Variants in SARAF observed in about 807,000 individuals in gnomAD.
The protein encoded by SARAF is store-operated calcium entry-associated regulatory factor.
In SARAF, 23 loss-of-function variants were observed where a neutral mutation model predicts 39.7. The observed-to-expected ratio is 0.58, with a 90% CI of 0.42 to 0.82. SARAF has a LOEUF of 0.82. Ranked by LOEUF, SARAF falls within the 40% of genes least tolerant of loss-of-function variation. SARAF has a pLI of 0.00. For missense variants in SARAF, 384 were observed against 418.5 expected, an observed-to-expected ratio of 0.92 and a Z score of 0.72; for synonymous variants, 175 against 168.5, an observed-to-expected ratio of 1.04 and a Z score of -0.30.
intron 2 of SARAF, among the ~76,000 whole-genome samples, chr8:30,072,054 A>G (rs564414854): frequency 1.2e-4 from 18 of 152,318 alleles, no homozygotes; most frequent in African/African-American, 4.1e-4. Flanking sequence ...CAGCTGGACC[A>G]TTTCACATTC....
intron 2 of SARAF, among the ~76,000 whole-genome samples, chr8:30,070,408 G>GA (rs796469752): frequency 1.1e-3 from 151 of 143,096 alleles, no homozygotes; most frequent in African/African-American, 2.9e-3. Context: ...TCCGTCTCAA[G>GA]AAAAAAAAAA....
chr8:30,075,842 G>C (rs910966209), intron 1 of SARAF, among the ~76,000 whole-genome samples: 2 of 151,884 alleles, frequency 1.3e-5, no homozygotes, highest in Non-Finnish European at 2.9e-5. Flanking sequence ...CAGGTAAAAC[G>C]AAAGAGGAGA....
chr8:30,067,433 T>C (rs2117422520), intron 3 of SARAF, among the ~76,000 whole-genome samples: 1 of 152,300 alleles, frequency 6.6e-6, no homozygotes, highest in African/African-American at 2.4e-5. Flanking sequence ...TGTGCTAATC[T>C]TACACGTGTG....
At chr8:30,064,695 T>C (rs1801643579) in intron 5 of SARAF, among the ~76,000 whole-genome samples, 1 of 151,122 alleles carries the variant, frequency 6.6e-6, no homozygotes, top group Non-Finnish European at 1.5e-5. Context: ...CCCAAATAGC[T>C]GGGATTACAG....
chr8:30,064,553 A>ATTTTTTTTTTTTTTT (rs1213352789), intron 5 of SARAF, among the ~76,000 whole-genome samples: 1 of 47,668 alleles, frequency 2.1e-5, no homozygotes, highest in African/African-American at 1.0e-4. Flanking sequence ...ATATATATAT[A>ATTTTTTTTTTTTTTT]TATATATATT....
chr8:30,064,438 A>G (rs1441252686), intron 5 of SARAF, among the ~76,000 whole-genome samples: 3 of 150,898 alleles, frequency 2.0e-5, no homozygotes, highest in African/African-American at 4.9e-5. Context: ...TTTCTTTCAT[A>G]TAATTCCCAT....
rs754872735 is a variant in SARAF at position 30,066,182 on chromosome 8, C to T, written c.843-43G>A. 16 of 1,553,608 alleles carry T rather than the reference C, an allele frequency of 1.0e-5. 1 individual carries two copies. The South Asian group carries it at 1.8e-4, about 17-fold the overall frequency. ...TAGGTTAGGCATTTTTTTCTTGTGG[C>T]TATAATTTTTAAATACCTTCCTGTT... On this transcript the variant is annotated intron_variant, in intron 4 of 5. Coordinates refer to ENST00000256255, the MANE Select transcript of SARAF (RefSeq NM_016127.6).
chr8:30,064,110 C>T (rs1801617422), intron 5 of SARAF, among the ~76,000 whole-genome samples, 197 bp from the exon 6 acceptor site: 1 of 152,148 alleles, frequency 6.6e-6, no homozygotes, highest in South Asian at 2.1e-4. Flanking sequence ...ATCAAGCCTA[C>T]TACACTCACA....
intron 1 of SARAF, among the ~76,000 whole-genome samples, chr8:30,075,924 T>C (rs1307802148): frequency 8.3e-6 from 1 of 120,996 alleles, no homozygotes; most frequent in Non-Finnish European, 1.6e-5. Context: ...GAAAGACAAA[T>C]GCCAGAACAG....
intron 2 of SARAF, among the ~76,000 whole-genome samples, chr8:30,071,067 G>A (rs1449816790): frequency 5.9e-5 from 9 of 152,174 alleles, no homozygotes; most frequent in African/African-American, 1.9e-4. Context: ...AAGGCCAGGC[G>A]CGGTGGTTCA....
In SARAF at chr8:30,082,901, C is replaced by G. The variant is rs1455267931; in HGVS notation, c.49G>C (p.Gly17Arg). 6 of 1,562,556 alleles carry G rather than the reference C, an allele frequency of 3.8e-6. No individual in the cohort carries two copies. Among genetic ancestry groups the G allele is most frequent in the Admixed American group, 1.9e-5 (1 of 51,830 alleles). The change falls in exon 1 of 6, where the codon GGC (glycine) becomes CGC (arginine). Residue 17 changes from glycine (G) to arginine (R), a missense_variant. By Grantham distance (125) the Gly-to-Arg change is moderately radical (BLOSUM62 -2). Transcript: ENST00000256255. ...GCGGTCAGCAGAAACAAATGCAAGCCGAGGAGCAAGCAGTACCCGGCCGCT... is the reference window on the plus strand; with the variant it reads ...GCGGTCAGCAGAAACAAATGCAAGCGGAGGAGCAAGCAGTACCCGGCCGCT... Reference protein sequence around the residue: ...PGAAGYCLLLGLHLFLLTAGP... With the variant: ...PGAAGYCLLLRLHLFLLTAGP...
At chr8:30,068,255 C>A (rs1388569761) in intron 3 of SARAF, among the ~76,000 whole-genome samples, 1 of 152,202 alleles carries the variant, frequency 6.6e-6, no homozygotes, top group African/African-American at 2.4e-5. Context: ...TACCTGAGCT[C>A]AGCCTCCTGT....
intron 3 of SARAF, 88 bp downstream of exon 3, chr8:30,069,554 A>G: frequency 7.3e-7 from 1 of 1,367,952 alleles, no homozygotes; most frequent in Middle Eastern, 2.0e-4. Flanking sequence ...TTGGTTTCCC[A>G]ATGCAACGAT....
rs1450652617 is a variant in SARAF, at chr8:30,082,839, G to A, written c.103+8C>T. 6 of 1,459,978 alleles carry A rather than the reference G, an allele frequency of 4.1e-6. No homozygotes were observed. Among genetic ancestry groups the A allele is most frequent in the Non-Finnish European group, 4.6e-6 (5 of 1,088,060 alleles). The allele number at this position is 1,459,978 out of a possible 1,614,324, so 90.4% of individuals were successfully genotyped here. On this transcript the variant is annotated splice_region_variant and intron_variant, in intron 1 of 5. Transcript: ENST00000256255. ...AACGAAGCGCCTGAGGGCCCTGGCAGCACTCACCAGGGTCGTTCCAGCCCA... is the reference window on the plus strand; with the variant it reads ...AACGAAGCGCCTGAGGGCCCTGGCAACACTCACCAGGGTCGTTCCAGCCCA...
chr8:30,075,695 T>C (rs929241853), intron 1 of SARAF, among the ~76,000 whole-genome samples: 3 of 152,164 alleles, frequency 2.0e-5, no homozygotes. Flanking sequence ...GCAGATGTAA[T>C]AGGCATCGCT....
chr8:30,069,547 G>C (rs1801779552), intron 3 of SARAF, 95 bp downstream of exon 3: 5 of 1,280,668 alleles, frequency 3.9e-6, no homozygotes, highest in Non-Finnish European at 5.4e-6. Flanking sequence ...ACCTCCTTTG[G>C]TTTCCCAATG....
rs774982991 is a variant in SARAF at position 30,073,914 on chromosome 8, T to C, written c.245A>G (p.Gln82Arg). The change falls in exon 2 of 6, where the codon CAG becomes CGG. Residue 82 changes from glutamine to arginine, a missense_variant. Coordinates refer to ENST00000256255, the MANE Select transcript of SARAF (RefSeq NM_016127.6). ...CCCATCCCAGCCTTTGTTCTGACAC[T>C]GTATGACTTTTGGGGTATAAGAATC... is the stretch of plus-strand genomic sequence containing the variant. ...GCDSYTPKVIQCQNKGWDGYD... is the reference protein window; with the variant it reads ...GCDSYTPKVIRCQNKGWDGYD... The C allele has an allele frequency of 2.5e-6, 4 of 1,614,218 alleles. No homozygotes were observed. In the South Asian group the frequency reaches 3.3e-5, roughly 13 times the overall value.
At position 30,082,383 on chromosome 8, in the gene SARAF, G is replaced by C. The variant is rs1021604947; in HGVS notation, c.103+464C>G. On this transcript the variant is annotated intron_variant, in intron 1 of 5. Transcript: ENST00000256255. ...AATCTGCGATTCTGCTAACAGACCT[G>C]CGAGGTCTGCAGCCCTGTCCGCTAA... 2.7e-4 allele frequency: 41 copies of C among 153,748 alleles called. 1 individual carries two copies. The highest frequency in any genetic ancestry group is 5.6e-4 in the Non-Finnish European group (39 of 69,264). The allele number at this position is 153,748 out of a possible 1,614,324, so 9.5% of individuals were successfully genotyped here. A position where few individuals can be genotyped will look rare whatever the true frequency, so the allele number is the denominator to read the frequency against.
chr8:30,065,343 A>C (rs1051550312), intron 5 of SARAF, among the ~76,000 whole-genome samples: 2 of 152,176 alleles, frequency 1.3e-5, no homozygotes, highest in Non-Finnish European at 2.9e-5. Context: ...GAATGTATCA[A>C]TATATATCCA....
Sources: gnomAD v4.1 joint callset for allele counts (sites outside exome capture counted in the v4.1 genomes callset) on GRCh38, gnomAD v4.1.1 for gene constraint, MANE v1.5 for transcripts, NCBI Gene and HGNC (gene_info 2026-07-23, HGNC 2026-07-21) for gene names.